Variants in RNF126 observed in about 807,000 individuals in gnomAD.
RNF126 encodes the protein ring finger protein 126.
In RNF126, 20 loss-of-function variants were observed where a neutral mutation model predicts 41.9. That is an observed-to-expected ratio of 0.48 (90% confidence interval 0.34 to 0.69). The LOEUF (loss-of-function observed/expected upper bound fraction) is 0.69. RNF126 is among the 30% of genes least tolerant of loss of function. The pLI is 0.01. For synonymous variants in RNF126, 239 were observed against 202.9 expected (o/e 1.18, Z -1.51); for missense variants, 433 against 460.6 (o/e 0.94, Z 0.55).
intron 2 of RNF126, chr19:652,519 G>A (rs2144762712): frequency 1.7e-6 from 1 of 604,010 alleles, no homozygotes; most frequent in East Asian, 2.8e-5. Flanking sequence ...AGCCTCCTAA[G>A]CGTGAGAATG....
Position 648,072 on chromosome 19 carries a change from C to T in RNF126, c.*56G>A, listed in dbSNP as rs957011514. The T allele has an allele frequency of 3.4e-6, 5 of 1,491,686 alleles. No homozygotes were observed. The highest frequency in any genetic ancestry group is 2.7e-5 in the South Asian group (2 of 74,770). The allele number at this position is 1,491,686 out of a possible 1,614,324, so 92.4% of individuals were successfully genotyped here. A position where few individuals can be genotyped will look rare whatever the true frequency, so the allele number is the denominator to read the frequency against. On this transcript the variant is annotated 3_prime_UTR_variant, in exon 9 of 9. Transcript: ENST00000292363. ...CACCCAGTCTGTGGGTGCCGTGTGG[C>T]GCTGGCTGAGGGTGGGTGGGAAAGG...
At chr19:657,724 T>C (rs184566113) in intron 1 of RNF126, among the ~76,000 whole-genome samples, 265 of 152,312 alleles carry the variant, frequency 1.7e-3, no homozygotes, top group South Asian at 5.2e-3. Context: ...GTCAGGGCTC[T>C]GGGCTGTCTC....
At chr19:649,203 G>T in intron 6 of RNF126, 1 of 215,704 alleles carries the variant, frequency 4.6e-6, no homozygotes, top group South Asian at 1.4e-4. Context: ...CGCGCTCCTG[G>T]GTCCCTGACA....
At chr19:649,055 G>T in intron 6 of RNF126, 80 bp from the exon 7 acceptor site, 1 of 666,418 alleles carries the variant, frequency 1.5e-6, no homozygotes, top group Non-Finnish European at 2.2e-6. Context: ...TGCAGGACCT[G>T]CAAAAGCACC....
chr19:655,808 A>G (rs1347040469), intron 1 of RNF126, among the ~76,000 whole-genome samples: 1 of 152,148 alleles, frequency 6.6e-6, no homozygotes, highest in African/African-American at 2.4e-5. Flanking sequence ...AGATGCAAAC[A>G]GCTCCAGTGT....
chr19:651,455 G>T, intron 4 of RNF126, 156 bp downstream of exon 4: 1 of 633,148 alleles, frequency 1.6e-6, no homozygotes, highest in Non-Finnish European at 2.4e-6. Flanking sequence ...GGGCCGTGTG[G>T]GGAGTCACAG....
At chr19:660,128 G>C (rs796309493) in intron 1 of RNF126, among the ~76,000 whole-genome samples, 7 of 152,338 alleles carry the variant, frequency 4.6e-5, no homozygotes, top group African/African-American at 1.4e-4. Flanking sequence ...GCCCCCGACC[G>C]CAAGTGTGGC....
chr19:662,964 C>T, intron 1 of RNF126, 83 bp downstream of exon 1: 1 of 591,326 alleles, frequency 1.7e-6, no homozygotes, highest in Non-Finnish European at 2.4e-6. Flanking sequence ...GAGGCGGGCG[C>T]AAGCGACCCC....
rs1261632432 is a variant in RNF126, at chr19:648,002, G to T, written c.*126C>A. 8.4e-7 allele frequency: 1 copy of T among 1,190,942 alleles called. No individual in the cohort carries two copies. The highest frequency in any genetic ancestry group is 1.1e-6 in the Non-Finnish European group (1 of 875,124). 73.8% of individuals were successfully genotyped at this position (1,190,942 alleles called of 1,614,324 possible). A position where few individuals can be genotyped will look rare whatever the true frequency, so the allele number is the denominator to read the frequency against. On this transcript the variant is annotated 3_prime_UTR_variant, in exon 9 of 9. Transcript: ENST00000292363. ...CGGGCCCGGGTCCTGCCCTGGAACA[G>T]GCGGGACCTGCAGCGCTGACCAGCC...
intron 2 of RNF126, 134 bp from the exon 3 acceptor site, chr19:652,430 G>A (rs1006564247): frequency 8.9e-6 from 7 of 789,128 alleles, no homozygotes; most frequent in Non-Finnish European, 1.4e-5. Context: ...CACCGCCCCA[G>A]CATTTGGTGC....
At position 648,922 on chromosome 19, in the gene RNF126, G is replaced by A. The variant is rs550631648; in HGVS notation, c.630C>T (p.Ile210=). ...TGPPPADKEK[I]QALPTVPVTE... is the part of the protein sequence containing the mutation. ...TGACGGGGACGGTGGGGAGGGCCTG[G>A]ATTTTCTCTTTATCTGCCGGTGGGG... is the stretch of plus-strand genomic sequence containing the variant. The change falls in exon 7 of 9, where the codon ATC becomes ATT. Residue 210 remains isoleucine (I), a synonymous_variant. Coordinates refer to ENST00000292363, the MANE Select transcript of RNF126 (RefSeq NM_194460.3). 7.0e-7 allele frequency: 1 copy of A among 1,421,678 alleles called. No homozygotes were observed. The highest frequency in any genetic ancestry group is 9.2e-7 in the Non-Finnish European group (1 of 1,086,054). 88.1% of individuals were successfully genotyped at this position (1,421,678 alleles called of 1,614,324 possible). A position where few individuals can be genotyped will look rare whatever the true frequency, so the allele number is the denominator to read the frequency against.
intron 1 of RNF126, 29 bp downstream of exon 1, chr19:663,018 G>A (rs1311303552): frequency 1.6e-6 from 2 of 1,279,608 alleles, no homozygotes; most frequent in East Asian, 3.4e-5. Flanking sequence ...CGCAGACCCT[G>A]CCGCCCGCCG....
At chr19:655,991 C>T (rs1276175785) in intron 1 of RNF126, among the ~76,000 whole-genome samples, 5 of 151,788 alleles carry the variant, frequency 3.3e-5, no homozygotes, top group South Asian at 2.1e-4. Context: ...CAGGACAGGC[C>T]GAGCCACAGA....
intron 1 of RNF126, 74 bp downstream of exon 1, chr19:662,973 C>A: frequency 1.4e-6 from 1 of 690,174 alleles, no homozygotes; most frequent in South Asian, 4.3e-5. Context: ...GCAAGCGACC[C>A]CCACCCCGGC....
intron 1 of RNF126, among the ~76,000 whole-genome samples, chr19:657,656 A>G (rs1424062686): frequency 6.6e-6 from 1 of 152,148 alleles, no homozygotes; most frequent in East Asian, 1.9e-4. Context: ...ACTCACTCAT[A>G]TCTGAAATCC....
At chr19:660,413 G>A (rs1007583251) in intron 1 of RNF126, among the ~76,000 whole-genome samples, 1 of 152,246 alleles carries the variant, frequency 6.6e-6, no homozygotes, top group African/African-American at 2.4e-5. Context: ...ATGGCAGCCA[G>A]TCCCCCCTGC....
chr19:661,466 C>T (rs1430755742), intron 1 of RNF126: 2 of 152,322 alleles, frequency 1.3e-5, no homozygotes, highest in South Asian at 2.1e-4. Context: ...TAAGGCAAGG[C>T]TCAGTCTCAG....
chr19:649,168 T>TGGAATGGG, intron 6 of RNF126, 193 bp from the exon 7 acceptor site: 1 of 243,732 alleles, frequency 4.1e-6, no homozygotes, highest in Non-Finnish European at 7.4e-6. Flanking sequence ...CCCCTGACGG[T>TGGAATGGG]GGAATGGGGG....
chr19:647,773 C>T lies in RNF126; in HGVS notation c.*355G>A. On this transcript the variant is annotated 3_prime_UTR_variant, in exon 9 of 9. Coordinates refer to ENST00000292363, the MANE Select transcript of RNF126 (RefSeq NM_194460.3). ...CTTCAGCGCTGGGGGAGCCGCTGGG[C>T]CCCGTCTTCCGCCACAAACCATGCA... is the stretch of plus-strand genomic sequence containing the variant. The T allele has an allele frequency of 8.3e-6, 3 of 361,820 alleles. No individual in the cohort carries two copies. The highest frequency in any genetic ancestry group is 1.6e-5 in the Non-Finnish European group (3 of 187,926). The allele number at this position is 361,820 out of a possible 1,614,324, so 22.4% of individuals were successfully genotyped here. A position where few individuals can be genotyped will look rare whatever the true frequency, so the allele number is the denominator to read the frequency against.
Sources: allele counts gnomAD v4.1 joint callset (sites outside exome capture counted in the v4.1 genomes callset), GRCh38; gene constraint gnomAD v4.1.1; transcripts MANE v1.5; gene names NCBI Gene and HGNC (gene_info 2026-07-23, HGNC 2026-07-21).